The following ANO3 variants were observed in gnomAD, a reference collection of about 807,000 sequenced individuals.
ANO3 encodes anoctamin 3, also known as anoctamin-3.
A neutral mutation model predicts 144.8 loss-of-function variants in ANO3; 99 were observed. The observed-to-expected ratio is 0.68, with a 90% CI of 0.58 to 0.81. The LOEUF (loss-of-function observed/expected upper bound fraction) is 0.81, where lower values mean the gene tolerates loss of function less well. Ranked by LOEUF, ANO3 falls within the 30% of genes least tolerant of loss-of-function variation. The pLI is 0.00. For missense variants in ANO3, 905 were observed against 1,202.2 expected, an observed-to-expected ratio of 0.75 and a Z score of 3.66; for synonymous variants, 414 against 392.6, an observed-to-expected ratio of 1.05 and a Z score of -0.64.
At chr11:26,352,101 A>G (rs1439999523) in intron 1 of ANO3, among the ~76,000 whole-genome samples, 1 of 152,226 alleles carries the variant, frequency 6.6e-6, no homozygotes, top group African/African-American at 2.4e-5. Flanking sequence ...AACATACAAT[A>G]TGTGTAAAGT....
At chr11:26,313,955 G>A in intron 1 of ANO3, among the ~76,000 whole-genome samples, 1 of 151,398 alleles carries the variant, frequency 6.6e-6, no homozygotes, top group East Asian at 1.9e-4. Flanking sequence ...TGACTGCCAG[G>A]GTTTTTCTCA....
chr11:26,456,913 A>T (rs578117814), intron 3 of ANO3, among the ~76,000 whole-genome samples: 1 of 149,756 alleles, frequency 6.7e-6, no homozygotes, highest in South Asian at 2.1e-4. Flanking sequence ...TGATGAGTTC[A>T]TGTCCTTTGT....
At chr11:26,582,874 G>A (rs553901970) in intron 14 of ANO3, among the ~76,000 whole-genome samples, 1 of 152,242 alleles carries the variant, frequency 6.6e-6, no homozygotes, top group Non-Finnish European at 1.5e-5. Flanking sequence ...ATATTCAACT[G>A]AATTAAAGAA....
At chr11:26,495,073 ACATTTATT>A (rs1860874622) in intron 4 of ANO3, among the ~76,000 whole-genome samples, 1 of 131,598 alleles carries the variant, frequency 7.6e-6, no homozygotes, top group South Asian at 2.4e-4. Context: ...ATAAATATCT[ACATTTATT>A]TATTTATTTA....
At chr11:26,235,134 C>T (rs1183004939) in intron 1 of ANO3, among the ~76,000 whole-genome samples, 1 of 152,128 alleles carries the variant, frequency 6.6e-6, no homozygotes, top group Admixed American at 6.5e-5. Flanking sequence ...ATATACTTTA[C>T]TCAGTCCACC....
intron 1 of ANO3, among the ~76,000 whole-genome samples, chr11:26,300,439 G>A (rs977932336): frequency 6.6e-6 from 1 of 152,128 alleles, no homozygotes; most frequent in Non-Finnish European, 1.5e-5. Context: ...AGAAAAAGAG[G>A]AATGACAAAG....
chr11:26,246,804 A>G (rs142448909), intron 1 of ANO3, among the ~76,000 whole-genome samples: 3 of 152,122 alleles, frequency 2.0e-5, no homozygotes, highest in African/African-American at 7.2e-5. Flanking sequence ...TGATGATTTT[A>G]TAAAAGGCAG....
chr11:26,517,330 A>G (rs1486559227), intron 6 of ANO3, among the ~76,000 whole-genome samples: 1 of 152,040 alleles, frequency 6.6e-6, no homozygotes, highest in Non-Finnish European at 1.5e-5. Context: ...ATTAGCAAGA[A>G]TCATTTCTCA....
chr11:26,463,140 TTATC>T lies in ANO3; in HGVS notation c.427_430del (p.Ser143ArgfsTer4), dbSNP rs1859477836. The T allele has an allele frequency of 6.6e-7, 1 of 1,518,378 alleles. No homozygotes were observed. Among genetic ancestry groups the T allele is most frequent in the Non-Finnish European group, 9.0e-7 (1 of 1,107,034 alleles). The allele number at this position is 1,518,378 out of a possible 1,614,324, so 94.1% of individuals were successfully genotyped here. On this transcript the variant is annotated frameshift_variant, in exon 4 of 27. Coordinates refer to ENST00000256737, the MANE Select transcript of ANO3 (RefSeq NM_031418.4). LOFTEE classifies it high-confidence loss of function. ...AGATAAATCTGAATTCAAGACAAAA[TTATC>T]TAAGGTAATGAGAACTAAATTATCA...
chr11:26,350,410 G>C (rs767159993), intron 1 of ANO3, among the ~76,000 whole-genome samples: 2 of 152,068 alleles, frequency 1.3e-5, no homozygotes, highest in Non-Finnish European at 2.9e-5. Flanking sequence ...CTATATTTTT[G>C]TTTTCTAGTT....
At chr11:26,291,363 A>G (rs981683909) in intron 1 of ANO3, among the ~76,000 whole-genome samples, 5 of 152,102 alleles carry the variant, frequency 3.3e-5, no homozygotes, top group African/African-American at 7.2e-5. Flanking sequence ...CCTTTATCCA[A>G]TTTGCCAGTC....
At chr11:26,493,146 G>A (rs1860780259) in intron 4 of ANO3, among the ~76,000 whole-genome samples, 1 of 152,096 alleles carries the variant, frequency 6.6e-6, no homozygotes, top group Non-Finnish European at 1.5e-5. Context: ...GACTGAATAG[G>A]CATTCAAAAA....
At chr11:26,633,290 G>A (rs183105613) in intron 18 of ANO3, among the ~76,000 whole-genome samples, 4 of 152,084 alleles carry the variant, frequency 2.6e-5, no homozygotes, top group East Asian at 1.9e-4. Flanking sequence ...TGTTAGAGTC[G>A]ACAGGGTTTT....
intron 14 of ANO3, chr11:26,565,174 G>T: frequency 1.3e-6 from 2 of 1,501,980 alleles, no homozygotes; most frequent in African/African-American, 1.4e-5. Flanking sequence ...CCTTTTTGGG[G>T]ATCTGACGTA....
intron 18 of ANO3, among the ~76,000 whole-genome samples, chr11:26,631,395 A>T (rs557753612): frequency 6.2e-4 from 95 of 152,218 alleles, no homozygotes; most frequent in African/African-American, 1.9e-3. Flanking sequence ...ATACATTAAA[A>T]ATAAATAAAA....
intron 1 of ANO3, among the ~76,000 whole-genome samples, chr11:26,399,227 C>T (rs1857090520): frequency 6.6e-6 from 1 of 151,874 alleles, no homozygotes; most frequent in African/African-American, 2.4e-5. Flanking sequence ...GCAAGGCACC[C>T]TTTTGCACTA....
chr11:26,318,370 A>T (rs529725104), intron 1 of ANO3, among the ~76,000 whole-genome samples: 1 of 152,318 alleles, frequency 6.6e-6, no homozygotes, highest in African/African-American at 2.4e-5. Flanking sequence ...TGCAATTTTA[A>T]CTAAGGTCTT....
intron 1 of ANO3, among the ~76,000 whole-genome samples, chr11:26,402,681 G>T (rs1857179173): frequency 6.6e-6 from 1 of 151,820 alleles, no homozygotes. Context: ...ACACATAGAG[G>T]GGAACAATAC....
chr11:26,608,875 G>A (rs1852010309), intron 17 of ANO3, among the ~76,000 whole-genome samples: 1 of 152,174 alleles, frequency 6.6e-6, no homozygotes, highest in Admixed American at 6.5e-5. Flanking sequence ...TAGTGTGTTA[G>A]GCAGCTATTA....
Sources: gnomAD v4.1 joint callset for allele counts (sites outside exome capture counted in the v4.1 genomes callset) on GRCh38, gnomAD v4.1.1 for gene constraint, MANE v1.5 for transcripts, NCBI Gene and HGNC (gene_info 2026-07-23, HGNC 2026-07-21) for gene names.